Variants in HPSE2 observed in about 807,000 individuals in gnomAD.
HPSE2 encodes the protein inactive heparanase-2.
A neutral mutation model predicts 60.5 loss-of-function variants in HPSE2; 38 were observed. The observed-to-expected ratio is 0.63, with a 90% CI of 0.48 to 0.82. The LOEUF is 0.82. Among genes scored for constraint, HPSE2 ranks in the 40% least tolerant of loss-of-function variants. The pLI, the probability that HPSE2 is intolerant of heterozygous loss-of-function variation, is 0.00. For missense variants in HPSE2, 713 were observed against 740.4 expected (o/e 0.96, Z 0.43); for synonymous variants, 295 against 293.2 (o/e 1.01, Z -0.06).
At chr10:99,185,928 G>A (rs1345153597) in intron 2 of HPSE2, among the ~76,000 whole-genome samples, 1 of 151,878 alleles carries the variant, frequency 6.6e-6, no homozygotes, top group Non-Finnish European at 1.5e-5. Context: ...GAAAAAAACG[G>A]AATAGAGAAT....
At chr10:98,819,323 A>C (rs1951365915) in intron 3 of HPSE2, among the ~76,000 whole-genome samples, 1 of 152,138 alleles carries the variant, frequency 6.6e-6, no homozygotes, top group African/African-American at 2.4e-5. Flanking sequence ...CCTTCCTTGA[A>C]GTACTGAAAA....
the HPSE2 span, among the ~76,000 whole-genome samples, chr10:99,299,633 T>C: frequency 1.3e-5 from 2 of 152,236 alleles, no homozygotes; most frequent in African/African-American, 2.4e-5. Flanking sequence ...TGGGAAGAGA[T>C]GCAGCTCCAG....
rs777168605 is a variant in HPSE2 at position 99,235,568 on chromosome 10, G to C, written c.235C>G (p.Leu79Val). ...NPVRTVNENF[L>V]SLQLDPSIIH... ...ATGGACGGATCCAGCTGCAGAGAGA[G>C]GAAGTTCTCATTGACTGTCCTGACT... Residue 79 changes from leucine to valine, a missense_variant, in exon 1 of 12, where the codon CTC becomes GTC. Leu to Val is a conservative substitution (Grantham distance 32). Transcript: ENST00000370552. 6.2e-7 allele frequency: 1 copy of C among 1,613,972 alleles called. No homozygotes were observed. Among genetic ancestry groups the C allele is most frequent in the African/African-American group, 1.3e-5 (1 of 74,886 alleles).
intron 9 of HPSE2, among the ~76,000 whole-genome samples, chr10:98,492,174 T>C (rs1941668513): frequency 6.6e-6 from 1 of 152,166 alleles, no homozygotes; most frequent in Non-Finnish European, 1.5e-5. Context: ...TCACTTAATG[T>C]GAGACATGTT....
chr10:99,021,423 G>A (rs76824444), intron 3 of HPSE2, among the ~76,000 whole-genome samples: 5,305 of 152,086 alleles, frequency 0.035, 124 homozygotes, highest in South Asian at 0.057. Context: ...GACCAGAGCC[G>A]GGATTTAAAT....
chr10:99,270,047 A>G, the HPSE2 span, among the ~76,000 whole-genome samples: 1 of 152,222 alleles, frequency 6.6e-6, no homozygotes, highest in Non-Finnish European at 1.5e-5. Flanking sequence ...GCACAAATAG[A>G]CAATCTTAAG....
chr10:99,293,603 A>G, the HPSE2 span, among the ~76,000 whole-genome samples: 1 of 152,220 alleles, frequency 6.6e-6, no homozygotes, highest in Admixed American at 6.5e-5. Context: ...CAAGTGAAAC[A>G]TAACTGATTT....
intron 10 of HPSE2, among the ~76,000 whole-genome samples, chr10:98,489,701 T>C (rs1941570338): frequency 1.3e-5 from 2 of 152,210 alleles, no homozygotes; most frequent in African/African-American, 2.4e-5. Context: ...TTTATACCTC[T>C]TGACTTGGCT....
At chr10:98,634,835 G>A (rs1946454391) in intron 7 of HPSE2, among the ~76,000 whole-genome samples, 1 of 152,130 alleles carries the variant, frequency 6.6e-6, no homozygotes, top group South Asian at 2.1e-4. Context: ...ATCCATACAT[G>A]TCTACCACGA....
intron 9 of HPSE2, among the ~76,000 whole-genome samples, chr10:98,600,812 G>A (rs59439654): frequency 0.38 from 50,797 of 132,914 alleles, 12,036 homozygotes; most frequent in Non-Finnish European, 0.51. Flanking sequence ...ACGTGTGTGC[G>A]TGTGTGTGTA....
At chr10:98,462,768 TCC>T (rs965842785) in intron 11 of HPSE2, among the ~76,000 whole-genome samples, 1 of 152,030 alleles carries the variant, frequency 6.6e-6, no homozygotes, top group Admixed American at 6.6e-5. Context: ...TCTGCACTCC[TCC>T]CAGGTTGCTG....
chr10:98,601,162 CT>C (rs1945415161), intron 9 of HPSE2, among the ~76,000 whole-genome samples: 1 of 151,772 alleles, frequency 6.6e-6, no homozygotes, highest in Non-Finnish European at 1.5e-5. Flanking sequence ...CCAGTCTTTT[CT>C]CTATCAAGGT....
intron 9 of HPSE2, among the ~76,000 whole-genome samples, chr10:98,538,095 C>G (rs1943344859): frequency 6.6e-6 from 1 of 152,328 alleles, no homozygotes; most frequent in Non-Finnish European, 1.5e-5. Flanking sequence ...GAAGATTCAC[C>G]CTTCTTACCC....
At chr10:98,817,665 G>A (rs1462737654) in intron 3 of HPSE2, among the ~76,000 whole-genome samples, 2 of 152,090 alleles carry the variant, frequency 1.3e-5, no homozygotes, top group Admixed American at 6.5e-5. Context: ...TACACTTGCT[G>A]ACTTCCCTTC....
intron 6 of HPSE2, among the ~76,000 whole-genome samples, chr10:98,673,984 A>T (rs1212048735): frequency 1.3e-5 from 2 of 152,172 alleles, no homozygotes; most frequent in Non-Finnish European, 2.9e-5. Context: ...TAAAATACAG[A>T]TTTCTACTCA....
chr10:98,540,159 C>T (rs1225473676), intron 9 of HPSE2, among the ~76,000 whole-genome samples: 2 of 152,192 alleles, frequency 1.3e-5, no homozygotes, highest in Admixed American at 1.3e-4. Flanking sequence ...ATGCTAGGAA[C>T]ATAGGAGGAA....
In HPSE2 at chr10:98,486,030, A is replaced by G. The variant is rs549693158; in HGVS notation, c.1467-3248T>C. Among the ~76,000 whole-genome samples the G allele has an allele frequency of 3.9e-5, 6 of 152,312 alleles. No homozygotes were observed. In the South Asian group the frequency reaches 1.0e-3, roughly 26 times the overall value. ...ATAGTTCCCCTGGGGAAGACAAACCAGTACAGCCCAGAGACCCACATATAG... is the reference window on the plus strand; with the variant it reads ...ATAGTTCCCCTGGGGAAGACAAACCGGTACAGCCCAGAGACCCACATATAG... On this transcript the variant is annotated intron_variant, in intron 10 of 11. Coordinates refer to ENST00000370552, the MANE Select transcript of HPSE2 (RefSeq NM_021828.5).
At chr10:99,211,645 C>T (rs561182765) in intron 2 of HPSE2, among the ~76,000 whole-genome samples, 10 of 152,226 alleles carry the variant, frequency 6.6e-5, no homozygotes, top group African/African-American at 2.4e-4. Flanking sequence ...TGTTGAGAAA[C>T]TGGATATCCA....
intron 3 of HPSE2, among the ~76,000 whole-genome samples, chr10:98,876,519 A>G (rs1952881835): frequency 6.6e-6 from 1 of 151,978 alleles, no homozygotes; most frequent in African/African-American, 2.4e-5. Flanking sequence ...CATTTAACTG[A>G]CATGCAGACC....
Sources: gnomAD v4.1 joint callset for allele counts (sites outside exome capture counted in the v4.1 genomes callset) on GRCh38, gnomAD v4.1.1 for gene constraint, MANE v1.5 for transcripts, NCBI Gene and HGNC (gene_info 2026-07-23, HGNC 2026-07-21) for gene names.